VPS13B: variants seen among roughly 807,000 people sequenced by gnomAD.
VPS13B encodes vacuolar protein sorting 13 homolog B.
A neutral mutation model predicts 426.4 loss-of-function variants in VPS13B; 285 were observed. The observed-to-expected ratio is 0.67, with a 90% CI of 0.61 to 0.74. The LOEUF (loss-of-function observed/expected upper bound fraction) is 0.74, where lower values mean the gene tolerates loss of function less well. VPS13B is among the 30% of genes least tolerant of loss of function. The pLI is 0.00. For synonymous variants in VPS13B, 1,676 were observed against 1,676.4 expected, an observed-to-expected ratio of 1.00 and a Z score of 0.01; for missense variants, 4,537 against 4,782.6, an observed-to-expected ratio of 0.95 and a Z score of 1.51.
chr8:99,090,661 C>CT (rs1260543389), intron 3 of VPS13B, among the ~76,000 whole-genome samples: 12 of 151,744 alleles, frequency 7.9e-5, no homozygotes, highest in South Asian at 2.1e-4. Flanking sequence ...AATTTTACTA[C>CT]TTTTTTTAAA....
At chr8:99,299,052 CTTTTTTTTTTT>C (rs11302301) in intron 19 of VPS13B, among the ~76,000 whole-genome samples, 2 of 55,026 alleles carry the variant, frequency 3.6e-5, no homozygotes, top group African/African-American at 8.6e-5. Flanking sequence ...TATTCCACCA[CTTTTTTTTTTT>C]TTTTTTTTTT....
At chr8:99,324,374 A>G (rs893219494) in intron 19 of VPS13B, among the ~76,000 whole-genome samples, 1 of 152,172 alleles carries the variant, frequency 6.6e-6, no homozygotes, top group Non-Finnish European at 1.5e-5. Flanking sequence ...TCAGATAGCT[A>G]ATTTAATTCC....
intron 33 of VPS13B, among the ~76,000 whole-genome samples, chr8:99,597,218 C>T (rs1827063945): frequency 2.6e-5 from 4 of 151,926 alleles, no homozygotes; most frequent in African/African-American, 4.8e-5. Context: ...ACTGGCCTGG[C>T]CAATTGTTGT....
intron 3 of VPS13B, among the ~76,000 whole-genome samples, chr8:99,079,051 C>T (rs72670265): frequency 4.3e-4 from 66 of 152,120 alleles, no homozygotes; most frequent in Non-Finnish European, 8.2e-4. Context: ...CTCCAGGCTC[C>T]CAGATATCAG....
chr8:99,584,634 C>T (rs904050071), intron 33 of VPS13B, among the ~76,000 whole-genome samples: 1 of 152,082 alleles, frequency 6.6e-6, no homozygotes, highest in Admixed American at 6.6e-5. Flanking sequence ...GAACTCAGAG[C>T]AGTATATGAA....
intron 41 of VPS13B, among the ~76,000 whole-genome samples, chr8:99,777,166 A>G (rs1023563104): frequency 2.6e-5 from 4 of 152,194 alleles, no homozygotes; most frequent in African/African-American, 4.8e-5. Flanking sequence ...TAAGTTGTCA[A>G]TGGTATTGAG....
chr8:99,872,267 A>G (rs980140895), intron 61 of VPS13B, among the ~76,000 whole-genome samples: 1 of 152,160 alleles, frequency 6.6e-6, no homozygotes, highest in Non-Finnish European at 1.5e-5. Flanking sequence ...CCTACCCCCA[A>G]ACCTGGAGAC....
chr8:99,773,727 C>T (rs1205185431), intron 40 of VPS13B, among the ~76,000 whole-genome samples: 1 of 152,170 alleles, frequency 6.6e-6, no homozygotes, highest in African/African-American at 2.4e-5. Context: ...CTTCCAGGAA[C>T]TATTTTCCAG....
chr8:99,036,055 C>T (rs1172200156), intron 2 of VPS13B, among the ~76,000 whole-genome samples: 1 of 151,952 alleles, frequency 6.6e-6, no homozygotes, highest in African/African-American at 2.4e-5. Flanking sequence ...GATATTAGTA[C>T]CTTATCAGAT....
At chr8:99,086,992 A>G (rs1845849086) in intron 3 of VPS13B, among the ~76,000 whole-genome samples, 1 of 152,200 alleles carries the variant, frequency 6.6e-6, no homozygotes, top group Non-Finnish European at 1.5e-5. Context: ...GCTGTCAGAC[A>G]GGGACATTTA....
intron 3 of VPS13B, among the ~76,000 whole-genome samples, chr8:99,052,765 T>C (rs1334067846): frequency 6.6e-6 from 1 of 152,100 alleles, no homozygotes; most frequent in East Asian, 1.9e-4. Flanking sequence ...CTTGGGAGGG[T>C]GTATGTGTCG....
At chr8:99,384,826 T>A (rs922796096) in intron 20 of VPS13B, among the ~76,000 whole-genome samples, 8 of 152,186 alleles carry the variant, frequency 5.3e-5, no homozygotes, top group African/African-American at 1.9e-4. Flanking sequence ...ATTACAGGCA[T>A]GTGCCACCAT....
chr8:99,667,390 GATAA>G (rs1830530737), intron 35 of VPS13B, among the ~76,000 whole-genome samples: 1 of 152,166 alleles, frequency 6.6e-6, no homozygotes, highest in Admixed American at 6.5e-5. Flanking sequence ...ACAGGGTAAT[GATAA>G]AGAAAGATGA....
At chr8:99,699,399 C>A in intron 35 of VPS13B, 126 bp from the exon 36 acceptor site, 3 of 995,126 alleles carry the variant, frequency 3.0e-6, no homozygotes, top group Admixed American at 2.2e-5. Flanking sequence ...ATATCATGTT[C>A]AGGCATCCTA....
intron 16 of VPS13B, among the ~76,000 whole-genome samples, chr8:99,190,465 A>G (rs1813498973): frequency 6.6e-6 from 1 of 151,568 alleles, no homozygotes; most frequent in South Asian, 2.1e-4. Flanking sequence ...TAGTTGTCCC[A>G]TCTATTGTTT....
intron 15 of VPS13B, among the ~76,000 whole-genome samples, chr8:99,160,196 A>T (rs890863631): frequency 4.6e-5 from 7 of 152,146 alleles, no homozygotes; most frequent in Admixed American, 1.3e-4. Context: ...TTCAATTTTT[A>T]AAAAATAAGT....
chr8:99,071,810 T>A (rs1844866912), intron 3 of VPS13B, among the ~76,000 whole-genome samples: 1 of 152,136 alleles, frequency 6.6e-6, no homozygotes, highest in Non-Finnish European at 1.5e-5. Flanking sequence ...TCCCACTGTT[T>A]CCTCTCCTTT....
intron 24 of VPS13B, 139 bp downstream of exon 24, chr8:99,467,773 G>A (rs1819189618): frequency 2.2e-6 from 2 of 893,536 alleles, no homozygotes; most frequent in African/African-American, 1.7e-5. Flanking sequence ...AGGGTGGTTA[G>A]ATTAAGAATT....
rs889647335 is a variant in VPS13B at position 99,430,706 on chromosome 8, C to CCG, written c.3083-830_3083-829insGC. On this transcript the variant is annotated intron_variant, in intron 21 of 61. Transcript: ENST00000357162. ...TTTTGGTTATCATCAAAATCCACCC[C>CCG]CCCCCCAACTTTTTTTTTGTTGTTG... is the stretch of plus-strand genomic sequence containing the variant. Among the ~76,000 whole-genome samples, 2 of 150,958 alleles carry CCG rather than the reference C, an allele frequency of 1.3e-5. 1 individual carries two copies. Among genetic ancestry groups the CCG allele is most frequent in the South Asian group, 4.2e-4 (2 of 4,750 alleles).
Sources: gnomAD v4.1 joint callset for allele counts (sites outside exome capture counted in the v4.1 genomes callset) on GRCh38, gnomAD v4.1.1 for gene constraint, MANE v1.5 for transcripts, NCBI Gene and HGNC (gene_info 2026-07-23, HGNC 2026-07-21) for gene names.